Variants in CADPS observed in about 807,000 individuals in gnomAD.
The protein encoded by CADPS is calcium dependent secretion activator.
Under a neutral mutation model 167.3 loss-of-function variants are expected in CADPS, and 57 were observed. That is an observed-to-expected ratio of 0.34 (90% CI 0.28 to 0.42). The LOEUF (loss-of-function observed/expected upper bound fraction) is 0.42. Ranked by LOEUF, CADPS falls within the 20% of genes least tolerant of loss-of-function variation. The probability of loss-of-function intolerance (pLI) is 1.00; values close to 1 mark genes in which losing one functional copy is unlikely to be tolerated. For missense variants in CADPS, 1,414 were observed against 1,738.1 expected (o/e 0.81, Z 3.32); for synonymous variants, 676 against 635.3 (o/e 1.06, Z -0.96).
intron 6 of CADPS, among the ~76,000 whole-genome samples, chr3:62,627,921 C>T (rs113400679): frequency 2.5e-3 from 387 of 152,260 alleles, no homozygotes; most frequent in Middle Eastern, 0.01. Flanking sequence ...AAATTCTAAT[C>T]GAGGATCCTC....
intron 2 of CADPS, among the ~76,000 whole-genome samples, chr3:62,760,061 T>C (rs1442713841): frequency 6.6e-6 from 1 of 152,176 alleles, no homozygotes; most frequent in Non-Finnish European, 1.5e-5. Flanking sequence ...TTCTTTTCTA[T>C]GCCCTTTTCC....
At chr3:62,556,326 T>C (rs1212390146) in intron 10 of CADPS, among the ~76,000 whole-genome samples, 2 of 152,214 alleles carry the variant, frequency 1.3e-5, no homozygotes, top group Non-Finnish European at 2.9e-5. Context: ...ACCGAAGGGG[T>C]GGCGCTGGGC....
chr3:62,859,689 G>A (rs540034345), intron 1 of CADPS, among the ~76,000 whole-genome samples: 2 of 152,308 alleles, frequency 1.3e-5, no homozygotes, highest in South Asian at 2.1e-4. Flanking sequence ...AGGCAAACAG[G>A]AAGGCTGACA....
intron 3 of CADPS, among the ~76,000 whole-genome samples, chr3:62,712,434 T>C (rs1165997994): frequency 1.3e-5 from 2 of 152,222 alleles, no homozygotes; most frequent in African/African-American, 4.8e-5. Context: ...ATTCATTTCT[T>C]TGTGTACTCA....
intron 3 of CADPS, among the ~76,000 whole-genome samples, chr3:62,712,690 G>T (rs575064314): frequency 1.3e-5 from 2 of 152,120 alleles, no homozygotes; most frequent in Admixed American, 1.3e-4. Flanking sequence ...AATGAGGCAG[G>T]GTTATAAATA....
intron 1 of CADPS, among the ~76,000 whole-genome samples, chr3:62,819,918 C>A (rs2094819863): frequency 6.6e-6 from 1 of 152,134 alleles, no homozygotes; most frequent in Non-Finnish European, 1.5e-5. Flanking sequence ...ATCTGTATCT[C>A]TTCTGAAATA....
At chr3:62,729,049 C>A (rs530217765) in intron 3 of CADPS, among the ~76,000 whole-genome samples, 25 of 152,014 alleles carry the variant, frequency 1.6e-4, no homozygotes, top group Non-Finnish European at 3.2e-4. Context: ...AAATGCTAAT[C>A]CTTTCTATCA....
At chr3:62,563,972 T>C (rs1021788541) in intron 9 of CADPS, among the ~76,000 whole-genome samples, 1 of 152,182 alleles carries the variant, frequency 6.6e-6, no homozygotes, top group Non-Finnish European at 1.5e-5. Context: ...CTAGGAGTTA[T>C]TGAAGGCACT....
chr3:62,447,513 T>C (rs2057396277), intron 26 of CADPS, among the ~76,000 whole-genome samples: 1 of 152,176 alleles, frequency 6.6e-6, no homozygotes, highest in South Asian at 2.1e-4. Context: ...GTCTTGCTCA[T>C]GGCTGTCTCC....
At chr3:62,719,010 C>A (rs1329941295) in intron 3 of CADPS, among the ~76,000 whole-genome samples, 2 of 152,186 alleles carry the variant, frequency 1.3e-5, no homozygotes, top group Non-Finnish European at 2.9e-5. Flanking sequence ...AATCAGAAGG[C>A]CTTCCAAACA....
intron 1 of CADPS, among the ~76,000 whole-genome samples, chr3:62,828,511 C>A (rs1210814420): frequency 6.6e-6 from 1 of 152,048 alleles, no homozygotes; most frequent in Non-Finnish European, 1.5e-5. Flanking sequence ...AAACATGTTA[C>A]CAGAATCTGC....
intron 1 of CADPS, among the ~76,000 whole-genome samples, chr3:62,852,022 A>C: frequency 6.9e-6 from 1 of 145,932 alleles, no homozygotes; most frequent in Non-Finnish European, 1.5e-5. Context: ...CATTTCATTC[A>C]TTTCATCTTC....
intron 1 of CADPS, among the ~76,000 whole-genome samples, chr3:62,775,109 C>A (rs939060069): frequency 6.6e-6 from 1 of 151,958 alleles, no homozygotes; most frequent in African/African-American, 2.4e-5. Flanking sequence ...GTGATCTTGG[C>A]TCACTGCAAC....
At chr3:62,655,378 A>G (rs1468510759) in intron 4 of CADPS, among the ~76,000 whole-genome samples, 1 of 152,206 alleles carries the variant, frequency 6.6e-6, no homozygotes, top group Non-Finnish European at 1.5e-5. Context: ...TTGTTTATTC[A>G]TATTGCTTTA....
chr3:62,602,843 G>T lies in CADPS; in HGVS notation c.1326-10095C>A, dbSNP rs970709869. Among the ~76,000 whole-genome samples, 1 of 152,012 alleles carries T rather than the reference G, an allele frequency of 6.6e-6. No individual in the cohort carries two copies. The highest frequency in any genetic ancestry group is 2.4e-5 in the African/African-American group (1 of 41,374). ...ACATCTGTTCCTCTAAGGCTTCCCC[G>T]GCTTAGTTAAAGGAACTGCCAGCCA... On this transcript the variant is annotated intron_variant, in intron 6 of 29. Coordinates refer to ENST00000383710, the MANE Select transcript of CADPS (RefSeq NM_003716.4). This position sits in a 1 kb window ranked among gnomAD's most constrained non-coding sequence, Gnocchi z 4.4.
chr3:62,478,967 A>G lies in CADPS; in HGVS notation c.3174-551T>C, dbSNP rs1042633259. ...CTGGAAAGAAATTAGGGTGACTCAG[A>G]TCAAGAGGGGTACACCTGGATACCT... On this transcript the variant is annotated intron_variant, in intron 22 of 29. Transcript: ENST00000383710. The surrounding 1 kb of genome is among the most constrained non-coding windows in gnomAD (Gnocchi z 5.7). Among the ~76,000 whole-genome samples, 1 of 152,208 alleles carries G rather than the reference A, an allele frequency of 6.6e-6. No homozygotes were observed. Among genetic ancestry groups the G allele is most frequent in the Non-Finnish European group, 1.5e-5 (1 of 68,032 alleles).
chr3:62,783,040 G>A (rs946015778), intron 1 of CADPS, among the ~76,000 whole-genome samples: 3 of 152,142 alleles, frequency 2.0e-5, no homozygotes, highest in South Asian at 2.1e-4. Context: ...GATTACAGGC[G>A]TGAGCCATTG....
intron 6 of CADPS, among the ~76,000 whole-genome samples, chr3:62,628,719 T>C (rs59761136): frequency 0.019 from 2,895 of 151,500 alleles, 60 homozygotes; most frequent in African/African-American, 0.062. Context: ...TTCTGCCTCC[T>C]GGGTTCAAGT....
intron 11 of CADPS, among the ~76,000 whole-genome samples, chr3:62,538,455 T>C (rs1043403363): frequency 3.3e-5 from 5 of 152,090 alleles, no homozygotes; most frequent in African/African-American, 9.7e-5. Flanking sequence ...CAGTCCCAGA[T>C]CAATTTAACT....
Sources: allele counts gnomAD v4.1 joint callset (sites outside exome capture counted in the v4.1 genomes callset), GRCh38; gene constraint gnomAD v4.1.1; non-coding constraint Gnocchi (gnomAD v3.1); transcripts MANE v1.5; gene names NCBI Gene and HGNC (gene_info 2026-07-23, HGNC 2026-07-21).